SPATS2L: variants seen among roughly 807,000 people sequenced by gnomAD.
SPATS2L encodes the protein SPATS2-like protein.
A neutral mutation model predicts 59.6 loss-of-function variants in SPATS2L; 30 were observed. The observed-to-expected ratio is 0.50, with a 90% CI of 0.38 to 0.68. The LOEUF is 0.68. SPATS2L is among the 30% of genes least tolerant of loss of function. SPATS2L has a pLI of 0.00. For synonymous variants in SPATS2L, 252 were observed against 263.5 expected (o/e 0.96, Z 0.42); for missense variants, 615 against 700.0 (o/e 0.88, Z 1.37).
At chr2:200,324,033 A>T (rs1294950689) in intron 1 of SPATS2L, among the ~76,000 whole-genome samples, 1 of 152,070 alleles carries the variant, frequency 6.6e-6, no homozygotes, top group East Asian at 1.9e-4. Context: ...GGGCTCAGAA[A>T]CTGCTTCTGG....
intron 6 of SPATS2L, among the ~76,000 whole-genome samples, chr2:200,426,959 G>A (rs189348159): frequency 6.6e-6 from 1 of 152,156 alleles, no homozygotes; most frequent in Admixed American, 6.5e-5. Flanking sequence ...TGATAGGAGG[G>A]CACAGGAAAC....
At chr2:200,394,517 T>C (rs879724422) in intron 3 of SPATS2L, among the ~76,000 whole-genome samples, 13 of 152,218 alleles carry the variant, frequency 8.5e-5, no homozygotes, top group Admixed American at 6.5e-4. Context: ...AGGCAGAGAA[T>C]GGGTCTTACT....
chr2:200,406,451 G>A (rs138304628), intron 3 of SPATS2L, among the ~76,000 whole-genome samples: 21 of 151,682 alleles, frequency 1.4e-4, no homozygotes, highest in Middle Eastern at 3.4e-3. Flanking sequence ...TAAAGGTCTG[G>A]CAGCGTCTCA....
At chr2:200,407,450 A>G (rs2082725753) in intron 3 of SPATS2L, among the ~76,000 whole-genome samples, 1 of 152,124 alleles carries the variant, frequency 6.6e-6, no homozygotes, top group South Asian at 2.1e-4. Context: ...ACCTACTTTT[A>G]TTGTAGACAT....
intron 2 of SPATS2L, among the ~76,000 whole-genome samples, chr2:200,382,562 C>G (rs1281225752): frequency 6.6e-6 from 1 of 152,160 alleles, no homozygotes; most frequent in East Asian, 1.9e-4. Context: ...ATTTCATAGA[C>G]AGTGAGCCCT....
At position 200,419,456 on chromosome 2, in the gene SPATS2L, G is replaced by A. The variant is rs774982385; in HGVS notation, c.405G>A (p.Ser135=). The A allele has an allele frequency of 2.2e-5, 35 of 1,613,750 alleles. No individual in the cohort carries two copies. Among genetic ancestry groups the A allele is most frequent in the Non-Finnish European group, 2.6e-5 (31 of 1,179,860 alleles). ...PALIPREKKI[S]ILEEPSKALR... is the part of the protein sequence containing the mutation. The stretch of plus-strand genomic sequence containing the variant: ...TTATCCCTCGTGAGAAAAAGATCTC[G>A]ATACTTGAGGAACCTTCAAAGGCAC... The change falls in exon 6 of 13, where the codon TCG becomes TCA. Residue 135 remains serine, a synonymous_variant. Coordinates refer to ENST00000409140, the MANE Select transcript of SPATS2L (RefSeq NM_001100423.2).
intron 6 of SPATS2L, among the ~76,000 whole-genome samples, chr2:200,431,360 C>T (rs1415082089): frequency 6.6e-6 from 1 of 152,194 alleles, no homozygotes; most frequent in Non-Finnish European, 1.5e-5. Context: ...AACACCATCA[C>T]ATTCACATAA....
rs941254793 is a variant in SPATS2L, at chr2:200,480,702, G to T, written c.*2671G>T. ...TGCCTTTCTTATAGACCCTGGGCATGTAAGCATTTATTAGTTTGCATTTTT... is the reference window on the plus strand; with the variant it reads ...TGCCTTTCTTATAGACCCTGGGCATTTAAGCATTTATTAGTTTGCATTTTT... On this transcript the variant is annotated 3_prime_UTR_variant, in exon 13 of 13. Coordinates refer to ENST00000409140, the MANE Select transcript of SPATS2L (RefSeq NM_001100423.2). 3.9e-5 allele frequency: 6 copies of T among 152,140 alleles called. No homozygotes were observed. The highest frequency in any genetic ancestry group is 8.8e-5 in the Non-Finnish European group (6 of 68,020). 9.4% of individuals were successfully genotyped at this position (152,140 alleles called of 1,614,324 possible).
chr2:200,354,091 G>A (rs1270836602), intron 2 of SPATS2L, among the ~76,000 whole-genome samples: 1 of 152,192 alleles, frequency 6.6e-6, no homozygotes, highest in Non-Finnish European at 1.5e-5. Flanking sequence ...ATTTGCCTCG[G>A]TCTGTAATTT....
At chr2:200,431,003 C>G (rs1028488453) in intron 6 of SPATS2L, among the ~76,000 whole-genome samples, 1 of 152,126 alleles carries the variant, frequency 6.6e-6, no homozygotes, top group Non-Finnish European at 1.5e-5. Flanking sequence ...CAGGCATGAA[C>G]CATCGCACCC....
chr2:200,323,397 A>C (rs2079628420), intron 1 of SPATS2L, among the ~76,000 whole-genome samples: 1 of 152,246 alleles, frequency 6.6e-6, no homozygotes, highest in African/African-American at 2.4e-5. Flanking sequence ...TATACCATTT[A>C]AAATATTTAA....
At chr2:200,365,886 G>A (rs1314213542) in intron 2 of SPATS2L, among the ~76,000 whole-genome samples, 1 of 152,160 alleles carries the variant, frequency 6.6e-6, no homozygotes, top group Non-Finnish European at 1.5e-5. Context: ...GCCAGGGATT[G>A]TATTTCATGT....
chr2:200,388,793 G>A (rs143359993), intron 2 of SPATS2L, among the ~76,000 whole-genome samples: 83 of 151,880 alleles, frequency 5.5e-4, no homozygotes, highest in East Asian at 1.9e-3. Context: ...GTATTGTTAT[G>A]TACATATAGG....
At chr2:200,356,129 C>T (rs919551104) in intron 2 of SPATS2L, among the ~76,000 whole-genome samples, 2 of 152,206 alleles carry the variant, frequency 1.3e-5, no homozygotes, top group Middle Eastern at 6.8e-3. Context: ...CAAGTCAGTC[C>T]ACGGTAAATG....
rs1342651905 is a variant in SPATS2L at position 200,388,714 on chromosome 2, G to T, written c.-22-509G>T. On this transcript the variant is annotated intron_variant, in intron 2 of 12. Coordinates refer to ENST00000409140, the MANE Select transcript of SPATS2L (RefSeq NM_001100423.2). ...AAAAGTTGAAAAAAAAAAAAGAAAA[G>T]AAGTTGTGGGGTGGATTCTTATGTT... Among the ~76,000 whole-genome samples the T allele has an allele frequency of 2.0e-5, 3 of 146,792 alleles. No individual in the cohort carries two copies. The Admixed American group carries it at 2.1e-4, about 10-fold the overall frequency.
chr2:200,429,596 C>T (rs1574496542), intron 6 of SPATS2L, among the ~76,000 whole-genome samples: 1 of 152,072 alleles, frequency 6.6e-6, no homozygotes, highest in Non-Finnish European at 1.5e-5. Flanking sequence ...GGGAATGGCA[C>T]GAGGATGTAG....
chr2:200,373,439 A>ACTGG (rs1257237992), intron 2 of SPATS2L, among the ~76,000 whole-genome samples: 1 of 152,224 alleles, frequency 6.6e-6, no homozygotes, highest in Non-Finnish European at 1.5e-5. Flanking sequence ...AGACTTAAAG[A>ACTGG]CTGGCTGGTA....
chr2:200,381,317 C>A (rs779243748), intron 2 of SPATS2L, among the ~76,000 whole-genome samples: 1 of 152,150 alleles, frequency 6.6e-6, no homozygotes, highest in African/African-American at 2.4e-5. Flanking sequence ...ATAAGTGTTT[C>A]CATCAACTCC....
intron 5 of SPATS2L, among the ~76,000 whole-genome samples, chr2:200,418,601 A>AAATAAATG (rs1182270002): frequency 6.6e-6 from 1 of 151,292 alleles, no homozygotes; most frequent in African/African-American, 2.4e-5. Context: ...ATAAATAAAT[A>AAATAAATG]AATAAATAAA....
Sources: gnomAD v4.1 joint callset for allele counts (sites outside exome capture counted in the v4.1 genomes callset) on GRCh38, gnomAD v4.1.1 for gene constraint, MANE v1.5 for transcripts, NCBI Gene and HGNC (gene_info 2026-07-23, HGNC 2026-07-21) for gene names.